The following MARVELD2 variants were observed in gnomAD, a reference collection of about 807,000 sequenced individuals.
MARVELD2 encodes MARVEL domain containing 2, also known as MARVEL domain-containing protein 2.
MARVELD2 carries 49 observed loss-of-function variants against 57.6 expected under a neutral mutation model. The ratio of observed to expected loss-of-function variants is 0.85; its 90% CI spans 0.68 to 1.08. The LOEUF (loss-of-function observed/expected upper bound fraction) is 1.08. Among genes scored for constraint, MARVELD2 ranks in the 50% least tolerant of loss-of-function variants. The pLI, the probability that MARVELD2 is intolerant of heterozygous loss-of-function variation, is 0.00. For synonymous variants in MARVELD2, 238 were observed against 258.8 expected (o/e 0.92, Z 0.77); for missense variants, 606 against 701.1 (o/e 0.86, Z 1.53).
chr5:69,430,781 C>G (rs991120844), intron 3 of MARVELD2, among the ~76,000 whole-genome samples: 2 of 151,162 alleles, frequency 1.3e-5, no homozygotes, highest in Non-Finnish European at 3.0e-5. Flanking sequence ...TGATCCACCC[C>G]CCTCGGCCTC....
chr5:69,432,379 G>C, intron 3 of MARVELD2, 148 bp from the exon 4 acceptor site: 1 of 859,286 alleles, frequency 1.2e-6, no homozygotes, highest in Non-Finnish European at 1.9e-6. Flanking sequence ...GGCCTCATGT[G>C]ATCCTCCGGC....
intron 1 of MARVELD2, chr5:69,418,935 T>TC (rs1196748000): frequency 6.3e-6 from 1 of 159,154 alleles, no homozygotes; most frequent in Non-Finnish European, 1.4e-5. Flanking sequence ...TTTTTTTTTT[T>TC]CTTTTTTTTA....
intron 3 of MARVELD2, 112 bp downstream of exon 3, chr5:69,424,748 G>T: frequency 1.1e-6 from 1 of 875,336 alleles, no homozygotes; most frequent in South Asian, 1.4e-5. Flanking sequence ...CTATTGGCCA[G>T]GTGTGGTGGC....
intron 5 of MARVELD2, among the ~76,000 whole-genome samples, chr5:69,437,805 G>C (rs927625122): frequency 6.6e-6 from 1 of 152,112 alleles, no homozygotes; most frequent in Non-Finnish European, 1.5e-5. Context: ...TCTGCAGTTG[G>C]GAAATCAAGA....
rs528326316 is a variant in MARVELD2, at chr5:69,420,499, C to T, written c.1114C>T (p.Arg372Trp). Residue 372 changes from arginine to tryptophan, a missense_variant, in exon 2 of 7, where the codon CGG (arginine) becomes TGG (tryptophan). Transcript: ENST00000325631. ...AAAGTTATGGAGGCATGAGGCAGCTCGGAGACATAGAGAATATATGGAACA... is the reference window on the plus strand; with the variant it reads ...AAAGTTATGGAGGCATGAGGCAGCTTGGAGACATAGAGAATATATGGAACA... ...CLKLWRHEAARRHREYMEQQE... is the reference protein window; with the variant it reads ...CLKLWRHEAAWRHREYMEQQE... The T allele has an allele frequency of 1.1e-5, 18 of 1,612,518 alleles. No individual in the cohort carries two copies. Among genetic ancestry groups the T allele is most frequent in the East Asian group, 2.2e-5 (1 of 44,906 alleles).
intron 5 of MARVELD2, among the ~76,000 whole-genome samples, chr5:69,438,542 G>T (rs1386009172): frequency 1.3e-5 from 2 of 152,108 alleles, no homozygotes; most frequent in Non-Finnish European, 2.9e-5. Flanking sequence ...AAAGCCAGGA[G>T]TTCAAGATGA....
chr5:69,437,131 G>A (rs1292124814), intron 5 of MARVELD2, among the ~76,000 whole-genome samples: 11 of 150,572 alleles, frequency 7.3e-5, no homozygotes, highest in African/African-American at 2.7e-4. Flanking sequence ...GGAGGTTGCA[G>A]TGAGCTGAGA....
intron 3 of MARVELD2, among the ~76,000 whole-genome samples, chr5:69,429,630 A>G (rs1483960088): frequency 2.0e-5 from 3 of 152,170 alleles, no homozygotes; most frequent in African/African-American, 7.2e-5. Flanking sequence ...CAACTTTAGG[A>G]TATGAACAAT....
rs542699770 is a variant in MARVELD2, at chr5:69,443,504, G to A, written c.*1850G>A. On this transcript the variant is annotated 3_prime_UTR_variant, in exon 7 of 7. Coordinates refer to ENST00000325631, the MANE Select transcript of MARVELD2 (RefSeq NM_001038603.3). ...GTGAGCCACTGTGCCCAGCAGGGAT[G>A]CTTCATCTTTCTAAGAATTATCTTG... is the stretch of plus-strand genomic sequence containing the variant. 2.2e-4 allele frequency: 33 copies of A among 152,216 alleles called. No individual in the cohort carries two copies. Among genetic ancestry groups the A allele is most frequent in the African/African-American group, 7.9e-4 (33 of 41,542 alleles). The allele number at this position is 152,216 out of a possible 1,614,324, so 9.4% of individuals were successfully genotyped here.
intron 2 of MARVELD2, among the ~76,000 whole-genome samples, chr5:69,421,047 A>T (rs1285623953): frequency 6.6e-6 from 1 of 152,178 alleles, no homozygotes; most frequent in Non-Finnish European, 1.5e-5. Context: ...TTGAATTGTA[A>T]TGAACATACT....
At chr5:69,424,750 TGTG>T (rs1308866898) in intron 3 of MARVELD2, 114 bp downstream of exon 3, 2 of 859,500 alleles carry the variant, frequency 2.3e-6, no homozygotes, top group African/African-American at 3.3e-5. Flanking sequence ...ATTGGCCAGG[TGTG>T]GTGGCTCACA....
chr5:69,426,254 A>G (rs1445076818), intron 3 of MARVELD2, among the ~76,000 whole-genome samples: 2 of 150,636 alleles, frequency 1.3e-5, no homozygotes, highest in Non-Finnish European at 3.0e-5. Flanking sequence ...ATATGTAATA[A>G]TTTATTTTAA....
chr5:69,423,137 C>G (rs889734097), intron 2 of MARVELD2, among the ~76,000 whole-genome samples: 2 of 152,208 alleles, frequency 1.3e-5, no homozygotes, highest in Non-Finnish European at 2.9e-5. Flanking sequence ...CTCTGGTGAT[C>G]CATCTGCCTT....
intron 1 of MARVELD2, chr5:69,415,403 G>C (rs1766366219): frequency 6.6e-6 from 1 of 152,208 alleles, no homozygotes; most frequent in Non-Finnish European, 1.5e-5. Flanking sequence ...CGCGCACCTC[G>C]GGGCGATCTC....
At chr5:69,431,963 G>C (rs1199017361) in intron 3 of MARVELD2, among the ~76,000 whole-genome samples, 1 of 147,346 alleles carries the variant, frequency 6.8e-6, no homozygotes, top group Non-Finnish European at 1.5e-5. Context: ...CAGCCTCCAA[G>C]CCTCCCAAGT....
chr5:69,436,348 C>CA (rs1336278218), intron 5 of MARVELD2, among the ~76,000 whole-genome samples: 3 of 140,408 alleles, frequency 2.1e-5, no homozygotes, highest in Middle Eastern at 3.7e-3. Context: ...GCGACAGAGC[C>CA]AAAAAAAACC....
chr5:69,418,168 GA>G (rs1766487806), intron 1 of MARVELD2, among the ~76,000 whole-genome samples: 2 of 152,208 alleles, frequency 1.3e-5, no homozygotes, highest in Admixed American at 6.5e-5. Flanking sequence ...TTAATTTTGA[GA>G]CCTTCATAGT....
intron 3 of MARVELD2, among the ~76,000 whole-genome samples, chr5:69,427,778 C>G (rs369432939): frequency 6.6e-6 from 1 of 152,132 alleles, no homozygotes; most frequent in African/African-American, 2.4e-5. Context: ...AAAAGCCTGA[C>G]GAAGATTTAA....
Position 69,419,648 on chromosome 5 carries a change from A to G in MARVELD2, c.263A>G (p.Asn88Ser), listed in dbSNP as rs765642192. 1.2e-6 allele frequency: 2 copies of G among 1,614,172 alleles called. No individual in the cohort carries two copies. The highest frequency in any genetic ancestry group is 3.3e-5 in the Admixed American group (2 of 60,018). ...VRRFVPDSWK[N>S]FFRGKKKDPE... ...CGCTTTGTCCCTGACTCCTGGAAGA[A>G]CTTTTTCAGAGGGAAGAAAAAGGAC... The change falls in exon 2 of 7, where the codon AAC becomes AGC. Residue 88 changes from asparagine (N) to serine (S), a missense_variant. By Grantham distance (46) the Asn-to-Ser change is conservative. Coordinates refer to ENST00000325631, the MANE Select transcript of MARVELD2 (RefSeq NM_001038603.3).
Sources: gnomAD v4.1 joint callset for allele counts (sites outside exome capture counted in the v4.1 genomes callset) on GRCh38, gnomAD v4.1.1 for gene constraint, MANE v1.5 for transcripts, NCBI Gene and HGNC (gene_info 2026-07-23, HGNC 2026-07-21) for gene names.